The following CSMD3 variants were observed in gnomAD, a reference collection of about 807,000 sequenced individuals.
CSMD3 encodes CUB and Sushi multiple domains 3.
CSMD3 carries 177 observed loss-of-function variants against 435.2 expected under a neutral mutation model. The observed-to-expected ratio is 0.41, with a 90% CI of 0.36 to 0.46. The LOEUF (loss-of-function observed/expected upper bound fraction) is 0.46, where lower values mean the gene tolerates loss of function less well. Ranked by LOEUF, CSMD3 falls within the 20% of genes least tolerant of loss-of-function variation. CSMD3 has a pLI of 0.34. For synonymous variants in CSMD3, 1,656 were observed against 1,520.5 expected, an observed-to-expected ratio of 1.09 and a Z score of -2.07; for missense variants, 4,265 against 4,504.6, an observed-to-expected ratio of 0.95 and a Z score of 1.52.
At chr8:113,293,452 C>G (rs959194616) in intron 2 of CSMD3, among the ~76,000 whole-genome samples, 3 of 151,942 alleles carry the variant, frequency 2.0e-5, no homozygotes, top group Admixed American at 2.0e-4. Flanking sequence ...GGCAGCAGCC[C>G]TCTCTTTGTG....
intron 11 of CSMD3, among the ~76,000 whole-genome samples, chr8:112,848,091 G>T (rs996577480): frequency 6.6e-6 from 1 of 152,090 alleles, no homozygotes; most frequent in African/African-American, 2.4e-5. Flanking sequence ...TGGGGCAAGT[G>T]TCCATAAAAA....
intron 3 of CSMD3, among the ~76,000 whole-genome samples, chr8:113,277,370 G>A (rs943612465): frequency 5.9e-5 from 9 of 151,818 alleles, no homozygotes; most frequent in Admixed American, 1.3e-4. Context: ...AAAAGTATTA[G>A]GTAGAAAATA....
chr8:112,641,879 T>G (rs1042253533), intron 20 of CSMD3, among the ~76,000 whole-genome samples: 5 of 151,892 alleles, frequency 3.3e-5, no homozygotes, highest in African/African-American at 1.2e-4. Flanking sequence ...AATGACCTCC[T>G]AAATCAAAAA....
intron 29 of CSMD3, among the ~76,000 whole-genome samples, chr8:112,505,110 T>A (rs551504273): frequency 6.6e-6 from 1 of 152,288 alleles, no homozygotes; most frequent in Admixed American, 6.5e-5. Context: ...CTGCTCAGTT[T>A]ACTTGTGCAT....
chr8:112,628,491 G>A (rs1442286111), intron 22 of CSMD3, among the ~76,000 whole-genome samples: 2 of 152,120 alleles, frequency 1.3e-5, no homozygotes, highest in African/African-American at 4.8e-5. Context: ...CTAAACAACA[G>A]TGTGACAGCT....
chr8:112,601,097 T>C (rs1418998836), intron 22 of CSMD3, among the ~76,000 whole-genome samples: 2 of 151,980 alleles, frequency 1.3e-5, no homozygotes, highest in African/African-American at 2.4e-5. Context: ...GAAGCAGTAA[T>C]TGCTGAAAAC....
At chr8:112,326,113 T>C (rs576079803) in intron 45 of CSMD3, among the ~76,000 whole-genome samples, 2 of 152,308 alleles carry the variant, frequency 1.3e-5, no homozygotes, top group African/African-American at 4.8e-5. Context: ...GATTTGGCAA[T>C]TATTTACAGA....
chr8:112,546,467 A>G (rs560605185), intron 27 of CSMD3, among the ~76,000 whole-genome samples: 28 of 152,268 alleles, frequency 1.8e-4, no homozygotes, highest in Non-Finnish European at 2.9e-4. Context: ...TCTCATGGCT[A>G]AGGGATATAT....
In CSMD3 at chr8:113,355,428, G is replaced by T. The variant is rs557898665; in HGVS notation, c.179-40635C>A. Among the ~76,000 whole-genome samples the T allele has an allele frequency of 2.0e-5, 3 of 152,090 alleles. No individual in the cohort carries two copies. The East Asian group carries it at 5.9e-4, about 30-fold the overall frequency. ...CAGTCCAAGATCAAGGTATCAAGAT[G>T]CCAGAAAATTCAGTGTCTGGTGAGG... On this transcript the variant is annotated intron_variant, in intron 1 of 70. Transcript: ENST00000297405.
intron 1 of CSMD3, among the ~76,000 whole-genome samples, chr8:113,399,487 T>C (rs781103066): frequency 4.0e-5 from 6 of 151,820 alleles, no homozygotes; most frequent in East Asian, 3.9e-4. Context: ...AGTACTGATA[T>C]ATGCTGCAAC....
At chr8:112,584,933 T>C (rs1830606019) in intron 23 of CSMD3, among the ~76,000 whole-genome samples, 3 of 151,738 alleles carry the variant, frequency 2.0e-5, no homozygotes, top group Admixed American at 6.6e-5. Flanking sequence ...CTTTAGGCTC[T>C]ACAATTTTTG....
chr8:112,471,238 G>A (rs1458364291), intron 32 of CSMD3, among the ~76,000 whole-genome samples: 1 of 152,096 alleles, frequency 6.6e-6, no homozygotes, highest in Non-Finnish European at 1.5e-5. Context: ...TTCCGAAGAG[G>A]ACTCAGAGAG....
chr8:113,399,880 A>G (rs2094502073), intron 1 of CSMD3, among the ~76,000 whole-genome samples: 1 of 151,762 alleles, frequency 6.6e-6, no homozygotes, highest in African/African-American at 2.4e-5. Flanking sequence ...ATGAAAAGTG[A>G]TTTATACTCC....
chr8:112,984,994 T>TGATAGATAGATA (rs71309797), intron 6 of CSMD3, among the ~76,000 whole-genome samples: 10,441 of 148,342 alleles, frequency 0.07, 421 homozygotes, highest in Middle Eastern at 0.086. Context: ...TGATAGATTA[T>TGATAGATAGATA]GATAGATAGA....
At chr8:113,323,414 C>G (rs1370144435) in intron 1 of CSMD3, among the ~76,000 whole-genome samples, 1 of 152,028 alleles carries the variant, frequency 6.6e-6, no homozygotes, top group African/African-American at 2.4e-5. Flanking sequence ...CTGGATTATC[C>G]AATAATATAA....
In CSMD3 at chr8:112,976,968, C is replaced by T. The variant is rs58803049; in HGVS notation, c.1031-820G>A. 3.5e-3 allele frequency among the ~76,000 whole-genome samples: 539 copies of T among 151,898 alleles called. 3 individuals carry two copies. The highest frequency in any genetic ancestry group is 0.012 in the African/African-American group (503 of 41,482). ...GCATTTCAGAGTGTGTATATGTGCGCATGTGTGTGTGTATAATATTACCAC... is the reference window on the plus strand; with the variant it reads ...GCATTTCAGAGTGTGTATATGTGCGTATGTGTGTGTGTATAATATTACCAC... On this transcript the variant is annotated intron_variant, in intron 6 of 70. Coordinates refer to ENST00000297405, the MANE Select transcript of CSMD3 (RefSeq NM_198123.2).
intron 13 of CSMD3, among the ~76,000 whole-genome samples, chr8:112,774,958 C>T (rs151103090): frequency 1.3e-5 from 2 of 151,972 alleles, no homozygotes; most frequent in African/African-American, 4.8e-5. Context: ...CTCCTTGTTA[C>T]CATTATGCTT....
intron 3 of CSMD3, among the ~76,000 whole-genome samples, chr8:113,226,126 C>A (rs1266738083): frequency 5.3e-5 from 8 of 151,504 alleles, no homozygotes. Context: ...AACCTCTTTT[C>A]TTTATAAATT....
At chr8:112,887,046 G>C (rs2081620889) in intron 10 of CSMD3, among the ~76,000 whole-genome samples, 1 of 151,518 alleles carries the variant, frequency 6.6e-6, no homozygotes, top group East Asian at 2.0e-4. Flanking sequence ...ACCAAAATGA[G>C]TCACTGAATC....
Sources: allele counts gnomAD v4.1 joint callset (sites outside exome capture counted in the v4.1 genomes callset), GRCh38; gene constraint gnomAD v4.1.1; transcripts MANE v1.5; gene names NCBI Gene and HGNC (gene_info 2026-07-23, HGNC 2026-07-21).